The following MYBPC1 variants were observed in gnomAD, a reference collection of about 807,000 sequenced individuals.
MYBPC1 encodes the protein myosin binding protein C1, also known as myosin-binding protein C, slow-type.
Under a neutral mutation model 147.1 loss-of-function variants are expected in MYBPC1, and 52 were observed. The ratio of observed to expected loss-of-function variants is 0.35; its 90% confidence interval spans 0.28 to 0.45. The LOEUF is 0.45. Among genes scored for constraint, MYBPC1 ranks in the 20% least tolerant of loss-of-function variants. The pLI is 1.00. For missense variants in MYBPC1, 1,228 were observed against 1,440.3 expected, an observed-to-expected ratio of 0.85 and a Z score of 2.39; for synonymous variants, 477 against 475.9, an observed-to-expected ratio of 1.00 and a Z score of -0.03.
At chr12:101,673,703 G>A (rs558685946) in intron 25 of MYBPC1, 81 bp downstream of exon 25, 4 of 1,481,674 alleles carry the variant, frequency 2.7e-6, no homozygotes, top group Non-Finnish European at 3.8e-6. Flanking sequence ...GCAAGAGCAG[G>A]AGTTTTGTTA....
intron 10 of MYBPC1, among the ~76,000 whole-genome samples, chr12:101,641,706 A>AT (rs1366774029): frequency 6.6e-6 from 1 of 152,194 alleles, no homozygotes; most frequent in Non-Finnish European, 1.5e-5. Flanking sequence ...TTAAGATGAA[A>AT]TGTAAGAAAA....
chr12:101,652,812 A>C, intron 17 of MYBPC1, 28 bp downstream of exon 17: 1 of 1,561,714 alleles, frequency 6.4e-7, no homozygotes, highest in Non-Finnish European at 8.8e-7. Context: ...TTCATTGCAT[A>C]GTTGTGTTCT....
chr12:101,650,112 A>G (rs1203445901), intron 15 of MYBPC1, among the ~76,000 whole-genome samples: 1 of 152,240 alleles, frequency 6.6e-6, no homozygotes, highest in Non-Finnish European at 1.5e-5. Context: ...ATTTTAGTTT[A>G]ACATCAAGAA....
At chr12:101,645,420 A>G (rs1892891841) in intron 12 of MYBPC1, among the ~76,000 whole-genome samples, 1 of 152,210 alleles carries the variant, frequency 6.6e-6, no homozygotes, top group Non-Finnish European at 1.5e-5. Flanking sequence ...AAACTACTTT[A>G]CAGAGATCCT....
intron 1 of MYBPC1, among the ~76,000 whole-genome samples, chr12:101,611,693 G>C (rs768186285): frequency 3.9e-5 from 6 of 152,212 alleles, no homozygotes; most frequent in African/African-American, 7.2e-5. Flanking sequence ...AATATACAGA[G>C]ACTATTAGAA....
chr12:101,671,982 T>C (rs781568942), intron 24 of MYBPC1, among the ~76,000 whole-genome samples: 1 of 152,140 alleles, frequency 6.6e-6, no homozygotes, highest in Non-Finnish European at 1.5e-5. Context: ...GGGAAGAAAC[T>C]GAAAGGGAAG....
At chr12:101,607,199 A>G (rs4321010) in intron 1 of MYBPC1, among the ~76,000 whole-genome samples, 20,639 of 152,136 alleles carry the variant, frequency 0.14, 1,566 homozygotes, top group African/African-American at 0.16. Context: ...ATTTTATGCT[A>G]TGGGAGCTTC....
intron 15 of MYBPC1, 57 bp downstream of exon 15, chr12:101,649,483 A>T: frequency 6.3e-7 from 1 of 1,588,550 alleles, no homozygotes; most frequent in South Asian, 1.1e-5. Context: ...TGGTTGTGTT[A>T]ATTCGGTTTC....
intron 5 of MYBPC1, chr12:101,628,039 A>G (rs1166674995): frequency 2.1e-6 from 1 of 485,200 alleles, no homozygotes; most frequent in East Asian, 3.8e-5. Flanking sequence ...TTGTTCTATC[A>G]TTTTTAATAT....
At chr12:101,687,820 TA>T (rs1951374678), downstream of MYBPC1, among the ~76,000 whole-genome samples, 1 of 152,206 alleles carries the variant, frequency 6.6e-6, no homozygotes, top group Non-Finnish European at 1.5e-5. Context: ...TTACATAGCC[TA>T]AAAGAGACTG....
intron 29 of MYBPC1, among the ~76,000 whole-genome samples, chr12:101,680,894 TA>T (rs1277413142): frequency 6.6e-6 from 1 of 152,234 alleles, no homozygotes; most frequent in African/African-American, 2.4e-5. Flanking sequence ...AAGCCTAGTG[TA>T]AAAATCCATC....
At chr12:101,689,637 C>A (rs1951390044), downstream of MYBPC1, among the ~76,000 whole-genome samples, 2 of 151,984 alleles carry the variant, frequency 1.3e-5, no homozygotes, top group Non-Finnish European at 1.5e-5. Flanking sequence ...AGAAAAAGAA[C>A]AAAAAATCTA....
downstream of MYBPC1, chr12:101,686,085 A>G (rs1257438447): frequency 1.3e-5 from 2 of 154,924 alleles, no homozygotes; most frequent in Non-Finnish European, 2.9e-5. Context: ...TTTTCTAACC[A>G]AAGCGGAGTT....
downstream of MYBPC1, among the ~76,000 whole-genome samples, chr12:101,687,349 T>G (rs762013313): frequency 1.7e-3 from 255 of 152,296 alleles, 1 homozygote; most frequent in Middle Eastern, 6.8e-3. Flanking sequence ...TTGCAATAGT[T>G]TGCTGAGAAT....
intron 1 of MYBPC1, 145 bp from the exon 2 acceptor site, chr12:101,614,351 G>T: frequency 1.3e-6 from 1 of 792,694 alleles, no homozygotes. Flanking sequence ...AGAGAGAAGA[G>T]AGAATGTGTT....
At chr12:101,604,812 T>G (rs1176786147) in intron 1 of MYBPC1, among the ~76,000 whole-genome samples, 1 of 152,196 alleles carries the variant, frequency 6.6e-6, no homozygotes, top group Non-Finnish European at 1.5e-5. Flanking sequence ...AGTCAGCATA[T>G]GAAACTGTTC....
chr12:101,671,774 G>T lies in MYBPC1; in HGVS notation c.2613+1365G>T, dbSNP rs552331288. On this transcript the variant is annotated intron_variant, in intron 24 of 31. Transcript: ENST00000361466. ...GTTCAGCTTCTGTCACTGAGTCTGAGAGAGAAAAAATCATGAGAACAGGGA... is the reference window on the plus strand; with the variant it reads ...GTTCAGCTTCTGTCACTGAGTCTGATAGAGAAAAAATCATGAGAACAGGGA... Among the ~76,000 whole-genome samples the T allele has an allele frequency of 2.0e-5, 3 of 152,284 alleles. No individual in the cohort carries two copies. The South Asian group carries it at 6.2e-4, about 32-fold the overall frequency.
chr12:101,605,392 T>A (rs566618299), intron 1 of MYBPC1, among the ~76,000 whole-genome samples: 2 of 152,318 alleles, frequency 1.3e-5, no homozygotes, highest in South Asian at 4.1e-4. Context: ...AGATTTGCAA[T>A]AAATTCAAAA....
intron 18 of MYBPC1, among the ~76,000 whole-genome samples, chr12:101,654,431 T>A (rs543940703): frequency 1.1e-4 from 16 of 152,094 alleles, no homozygotes; most frequent in Non-Finnish European, 1.9e-4. Context: ...AGCCCTATAA[T>A]TGCCTCAAGC....
Sources: gnomAD v4.1 joint callset for allele counts (sites outside exome capture counted in the v4.1 genomes callset) on GRCh38, gnomAD v4.1.1 for gene constraint, MANE v1.5 for transcripts, NCBI Gene and HGNC (gene_info 2026-07-23, HGNC 2026-07-21) for gene names.